ARHGDIG: variants seen among roughly 807,000 people sequenced by gnomAD.
The protein encoded by ARHGDIG is Rho GDP dissociation inhibitor gamma.
In ARHGDIG, 14 loss-of-function variants were observed where a neutral mutation model predicts 20.2. The ratio of observed to expected loss-of-function variants is 0.69; its 90% CI spans 0.46 to 1.08. The LOEUF (loss-of-function observed/expected upper bound fraction) is 1.08, where lower values mean the gene tolerates loss of function less well. Ranked by LOEUF, ARHGDIG falls within the 50% of genes least tolerant of loss-of-function variation. ARHGDIG has a pLI of 0.00. For missense variants in ARHGDIG, 311 were observed against 301.8 expected, an observed-to-expected ratio of 1.03 and a Z score of -0.23; for synonymous variants, 193 against 138.6, an observed-to-expected ratio of 1.39 and a Z score of -2.76.
Position 282,291 on chromosome 16 carries a change from C to A in ARHGDIG, c.338-6C>A, listed in dbSNP as rs373716691. The stretch of plus-strand genomic sequence containing the variant: ...GTTCCGACCCTAGCTGAGGTTTCCC[C>A]AATAGGGGACCTGGCTGTTCTGAAG... On this transcript the variant is annotated splice_polypyrimidine_tract_variant and splice_region_variant and intron_variant, in intron 3 of 5. Transcript: ENST00000219409. The A allele has an allele frequency of 6.2e-7, 1 of 1,613,040 alleles. No individual in the cohort carries two copies. The highest frequency in any genetic ancestry group is 1.3e-5 in the African/African-American group (1 of 74,894).
Position 280,613 on chromosome 16 carries a change from G to C in ARHGDIG, c.-68G>C, listed in dbSNP as rs1281318301. On this transcript the variant is annotated 5_prime_UTR_variant, in exon 1 of 6. Transcript: ENST00000219409. This position sits in a 1 kb window ranked among gnomAD's most constrained non-coding sequence, Gnocchi z 6.6. ...CGCAGTCGCGCCGGGGCTGAGCGCC[G>C]AGCGGGGCGGCGGCGGGGCGGGCGG... 1.3e-6 allele frequency: 1 copy of C among 779,296 alleles called. No individual in the cohort carries two copies. The highest frequency in any genetic ancestry group is 1.5e-6 in the Non-Finnish European group (1 of 645,328). The allele number at this position is 779,296 out of a possible 1,614,324, so 48.3% of individuals were successfully genotyped here.
chr16:282,525 T>TA lies in ARHGDIG; in HGVS notation c.473_474insA (p.Arg159AlafsTer20), dbSNP rs2052297879. ...CTGCACCACACCTACCGCCGGGGCCTGCGCGGTGAGGGCAGCGGTGGGGGG... is the reference window on the plus strand; with the variant it reads ...CTGCACCACACCTACCGCCGGGGCCTAGCGCGGTGAGGGCAGCGGTGGGGGG... On this transcript the variant is annotated frameshift_variant, in exon 5 of 6. Coordinates refer to ENST00000219409, the MANE Select transcript of ARHGDIG (RefSeq NM_001176.4). LOFTEE classifies it low-confidence loss of function (END_TRUNC). 1 of 1,264,906 alleles carries TA rather than the reference T, an allele frequency of 7.9e-7. No homozygotes were observed. The highest frequency in any genetic ancestry group is 1.0e-6 in the Non-Finnish European group (1 of 970,104). 78.4% of individuals were successfully genotyped at this position (1,264,906 alleles called of 1,614,324 possible).
chr16:281,596 TCTCTGCTCG>T lies in ARHGDIG; in HGVS notation c.74-145_74-137del. On this transcript the variant is annotated intron_variant, in intron 1 of 5. Transcript: ENST00000219409. ...GGCACCTCCCCAGGCCGCCCTGCTC[TCTCTGCTCG>T]CTCTCTCCCTGAGCCCCCAGAGGCT... 3.1e-6 allele frequency: 3 copies of T among 974,442 alleles called. No homozygotes were observed. In the South Asian group the frequency reaches 5.3e-5, roughly 17 times the overall value. The allele number at this position is 974,442 out of a possible 1,614,324, so 60.4% of individuals were successfully genotyped here. A position where few individuals can be genotyped will look rare whatever the true frequency, so the allele number is the denominator to read the frequency against.
rs1183217357 is a variant in ARHGDIG at position 281,940 on chromosome 16, T to C, written c.253+15T>C. ...ACCGGCCGTGGGTATGGCAGGGGTC[T>C]AGGCTTGGAGGGCTGGGTCTGGGGG... On this transcript the variant is annotated intron_variant, in intron 2 of 5. Transcript: ENST00000219409. 2 of 1,595,714 alleles carry C rather than the reference T, an allele frequency of 1.3e-6. No individual in the cohort carries two copies. The highest frequency in any genetic ancestry group is 2.2e-5 in the South Asian group (2 of 90,630).
chr16:282,558 C>CAGGGGGGGGGGGAAGGGGG, intron 5 of ARHGDIG, 28 bp downstream of exon 5: 1 of 1,310,076 alleles, frequency 7.6e-7, no homozygotes, highest in East Asian at 3.0e-5. Context: ...GGGAACGGGG[C>CAGGGGGGGGGGGAAGGGGG]GGGGGGGGGA....
At chr16:282,410 G>C (rs1207586632) in intron 4 of ARHGDIG, 37 bp downstream of exon 4, 1 of 1,612,000 alleles carries the variant, frequency 6.2e-7, no homozygotes, top group Non-Finnish European at 8.5e-7. Context: ...GGATGGGGGT[G>C]GGGGCAACAG....
At chr16:282,558 C>CGGGGGGGGGGGGGGGGGGGGAAAGGGGG (rs61572786) in intron 5 of ARHGDIG, 28 bp downstream of exon 5, 1 of 1,295,646 alleles carries the variant, frequency 7.7e-7, no homozygotes, top group African/African-American at 1.7e-5. Context: ...GGGAACGGGG[C>CGGGGGGGGGGGGGGGGGGGGAAAGGGGG]GGGGGGGGGA....
Position 281,894 on chromosome 16 carries a change from G to T in ARHGDIG, c.222G>T (p.Arg74=). 1 of 1,608,290 alleles carries T rather than the reference G, an allele frequency of 6.2e-7. No homozygotes were observed. The highest frequency in any genetic ancestry group is 8.5e-7 in the Non-Finnish European group (1 of 1,179,276). Residue 74 remains arginine, a synonymous_variant, in exon 2 of 6, where the codon CGG becomes CGT. Coordinates refer to ENST00000219409, the MANE Select transcript of ARHGDIG (RefSeq NM_001176.4). The part of the protein sequence containing the change: ...PDDRSLAKYK[R]VLLGPLPPAV... ...ACAGGAGCCTGGCCAAGTACAAGCG[G>T]GTGCTGCTGGGGCCCCTGCCACCGG...
chr16:282,544 T>TGGGGGAAGGGG lies in ARHGDIG; in HGVS notation c.478+19_478+20insAAGGGGGGGGG. 3.5e-6 allele frequency: 1 copy of TGGGGGAAGGGG among 289,518 alleles called. No homozygotes were observed. 17.9% of individuals were successfully genotyped at this position (289,518 alleles called of 1,614,324 possible). ...GGGGCCTGCGCGGTGAGGGCAGCGG[T>TGGGGGAAGGGG]GGGGGGAACGGGGCGGGGGGGGGAA... On this transcript the variant is annotated intron_variant, in intron 5 of 5. Transcript: ENST00000219409.
In ARHGDIG at chr16:282,084, G is replaced by A. The variant is rs867453530; in HGVS notation, c.313G>A (p.Gly105Arg). The change falls in exon 3 of 6, where the codon GGG (glycine) becomes AGG (arginine). Residue 105 changes from glycine (G) to arginine (R), a missense_variant. Physicochemically the swap from Gly to Arg is moderately radical, Grantham distance 125 (BLOSUM62 -2). Coordinates refer to ENST00000219409, the MANE Select transcript of ARHGDIG (RefSeq NM_001176.4). ...GACACTCCTGTCGGAACAGGCTCCG[G>A]GGCCCGTCGTCATGGATCTCACAGG... is the stretch of plus-strand genomic sequence containing the variant. ...RLTLLSEQAP[G>R]PVVMDLTGDL... is the part of the protein sequence containing the mutation. 1 of 1,612,904 alleles carries A rather than the reference G, an allele frequency of 6.2e-7. No individual in the cohort carries two copies. The highest frequency in any genetic ancestry group is 8.5e-7 in the Non-Finnish European group (1 of 1,179,952).
chr16:282,264 G>T, intron 3 of ARHGDIG, 33 bp from the exon 4 acceptor site: 2 of 1,612,562 alleles, frequency 1.2e-6, no homozygotes, highest in Non-Finnish European at 1.7e-6. Flanking sequence ...GCCTGTAGGG[G>T]AGTTCCGACC....
rs2052304800 is a variant in ARHGDIG at position 282,993 on chromosome 16, G to A, written c.*179G>A. The A allele has an allele frequency of 4.8e-6, 4 of 838,046 alleles. No individual in the cohort carries two copies. Among genetic ancestry groups the A allele is most frequent in the South Asian group, 1.9e-5 (1 of 53,074 alleles). 51.9% of individuals were successfully genotyped at this position (838,046 alleles called of 1,614,324 possible). A position where few individuals can be genotyped will look rare whatever the true frequency, so the allele number is the denominator to read the frequency against. The stretch of plus-strand genomic sequence containing the variant: ...TCCCCTGAGCTGTCCCATTAAACAT[G>A]GCCCTGTCTCTCTCGGTGCCCTGGG... On this transcript the variant is annotated 3_prime_UTR_variant, in exon 6 of 6. Transcript: ENST00000219409.
chr16:281,705 G>T (rs973789519), intron 1 of ARHGDIG, 41 bp from the exon 2 acceptor site: 2 of 1,519,744 alleles, frequency 1.3e-6, no homozygotes, highest in Non-Finnish European at 1.8e-6. Flanking sequence ...GAATGCCAGG[G>T]TCCGCTAGTG....
chr16:281,892 C>T lies in ARHGDIG; in HGVS notation c.220C>T (p.Arg74Trp), dbSNP rs758978302. 4 of 1,601,610 alleles carry T rather than the reference C, an allele frequency of 2.5e-6. No homozygotes were observed. The highest frequency in any genetic ancestry group is 1.4e-5 in the African/African-American group (1 of 73,902). The change falls in exon 2 of 6, where the codon CGG becomes TGG. Residue 74 changes from arginine to tryptophan, a missense_variant. By Grantham distance (101) the Arg-to-Trp change is moderately radical. Coordinates refer to ENST00000219409, the MANE Select transcript of ARHGDIG (RefSeq NM_001176.4). ...CGACAGGAGCCTGGCCAAGTACAAG[C>T]GGGTGCTGCTGGGGCCCCTGCCACC... ...PDDRSLAKYK[R>W]VLLGPLPPAV...
At chr16:281,703 G>A (rs1209559727) in intron 1 of ARHGDIG, 43 bp from the exon 2 acceptor site, 1 of 1,515,382 alleles carries the variant, frequency 6.6e-7, no homozygotes, top group African/African-American at 1.4e-5. Context: ...TCGAATGCCA[G>A]GGTCCGCTAG....
chr16:281,535 C>A (rs2052282796), intron 1 of ARHGDIG: 1 of 547,874 alleles, frequency 1.8e-6, no homozygotes, highest in East Asian at 3.0e-5. Context: ...GCCTGGCGGT[C>A]TCTGGAGGCC....
At position 280,886 on chromosome 16, in the gene ARHGDIG, G is replaced by T. The variant is rs1471012595; in HGVS notation, c.73+133G>T. 33 of 409,386 alleles carry T rather than the reference G, an allele frequency of 8.1e-5. No homozygotes were observed. Among genetic ancestry groups the T allele is most frequent in the Non-Finnish European group, 1.1e-4 (29 of 273,864 alleles). The allele number at this position is 409,386 out of a possible 1,614,324, so 25.4% of individuals were successfully genotyped here. On this transcript the variant is annotated intron_variant, in intron 1 of 5. Transcript: ENST00000219409. The surrounding 1 kb of genome is among the most constrained non-coding windows in gnomAD (Gnocchi z 6.6). ...CCGACCCCCCGGCTGGGGTCTGGCA[G>T]GGGTGGGGGACTTCATCCAGGCTCC...
Position 282,794 on chromosome 16 carries a change from T to G in ARHGDIG, c.658T>G (p.Cys220Gly). 6.2e-7 allele frequency: 1 copy of G among 1,605,966 alleles called. No homozygotes were observed. The highest frequency in any genetic ancestry group is 1.7e-5 in the Admixed American group (1 of 59,334). ...GTCCTGGGAGTGGGGTCTCTGCATC[T>G]GCCAGGACTGGAAGGACTGAACCCC... ...HLSWEWGLCICQDWKD is the reference protein window; with the variant it reads ...HLSWEWGLCIGQDWKD The change falls in exon 6 of 6, where the codon TGC becomes GGC. Residue 220 changes from cysteine (C) to glycine (G), a missense_variant. Physicochemically the swap from Cys to Gly is radical, Grantham distance 159 (BLOSUM62 -3). Transcript: ENST00000219409.
intron 1 of ARHGDIG, chr16:281,491 G>GC (rs1263602446): frequency 4.3e-6 from 2 of 461,144 alleles, no homozygotes; most frequent in Non-Finnish European, 7.7e-6. Flanking sequence ...CAGGGAGGGG[G>GC]CCCTTGTGGA....
Sources: allele counts gnomAD v4.1 joint callset, GRCh38; gene constraint gnomAD v4.1.1; non-coding constraint Gnocchi (gnomAD v3.1); transcripts MANE v1.5; gene names NCBI Gene and HGNC (gene_info 2026-07-23, HGNC 2026-07-21).